DYNLT2B: variants seen among roughly 807,000 people sequenced by gnomAD.
DYNLT2B encodes the protein dynein light chain Tctex-type 2B.
A neutral mutation model predicts 19.5 loss-of-function variants in DYNLT2B; 14 were observed. The ratio of observed to expected loss-of-function variants is 0.72; its 90% CI spans 0.47 to 1.12. The LOEUF is 1.12. Among genes scored for constraint, DYNLT2B ranks in the 50% most tolerant of loss-of-function variants. The pLI, the probability that DYNLT2B is intolerant of heterozygous loss-of-function variation, is 0.00. For synonymous variants in DYNLT2B, 70 were observed against 59.7 expected, an observed-to-expected ratio of 1.17 and a Z score of -0.79; for missense variants, 133 against 174.7, an observed-to-expected ratio of 0.76 and a Z score of 1.35.
At chr3:196,314,836 C>A (rs577823094) in intron 2 of DYNLT2B, among the ~76,000 whole-genome samples, 17 of 148,894 alleles carry the variant, frequency 1.1e-4, no homozygotes, top group South Asian at 1.1e-3. Context: ...CAAAACAAAA[C>A]AAAAAAAAAC....
intron 3 of DYNLT2B, among the ~76,000 whole-genome samples, chr3:196,300,142 A>C (rs1289740287): frequency 3.3e-5 from 5 of 152,172 alleles, no homozygotes; most frequent in Admixed American, 6.6e-5. Flanking sequence ...AGCCTCCAGA[A>C]GGAATGCAGC....
At chr3:196,304,962 G>A (rs1424583177) in intron 3 of DYNLT2B, among the ~76,000 whole-genome samples, 2 of 152,122 alleles carry the variant, frequency 1.3e-5, no homozygotes, top group African/African-American at 2.4e-5. Context: ...GCTTACTGCA[G>A]TCTCAACCTT....
At chr3:196,316,067 A>T (rs1726783227) in intron 2 of DYNLT2B, 31 bp downstream of exon 2, 1 of 1,606,700 alleles carries the variant, frequency 6.2e-7, no homozygotes, top group Non-Finnish European at 8.5e-7. Context: ...TGTGAAGAGA[A>T]TGAGTCATTT....
intron 3 of DYNLT2B, among the ~76,000 whole-genome samples, chr3:196,302,707 C>T (rs958110447): frequency 6.6e-5 from 10 of 152,148 alleles, no homozygotes; most frequent in Middle Eastern, 3.4e-3. Flanking sequence ...GGGCTGCACA[C>T]GATGATTTCC....
At chr3:196,298,814 T>G (rs530246435) in intron 3 of DYNLT2B, among the ~76,000 whole-genome samples, 1 of 152,356 alleles carries the variant, frequency 6.6e-6, no homozygotes. Context: ...CAGGGCTAGA[T>G]GCTGAGAATC....
At chr3:196,313,460 T>C (rs1458241384) in intron 2 of DYNLT2B, among the ~76,000 whole-genome samples, 1 of 152,116 alleles carries the variant, frequency 6.6e-6, no homozygotes, top group East Asian at 1.9e-4. Flanking sequence ...CCTCCAAAAG[T>C]GCTGGAATTA....
rs185927162 is a variant in DYNLT2B at position 196,293,750 on chromosome 3, T to C, written c.381+2256A>G. On this transcript the variant is annotated intron_variant, in intron 4 of 4. Transcript: ENST00000325318. ...ACCTCTGCCTCCCAGGTTCAAGCAATTCTCCTGCCTCAGCCTCCCGAGTAG... is the reference window on the plus strand; with the variant it reads ...ACCTCTGCCTCCCAGGTTCAAGCAACTCTCCTGCCTCAGCCTCCCGAGTAG... 7.8e-3 allele frequency among the ~76,000 whole-genome samples: 1,144 copies of C among 146,208 alleles called. 17 individuals are homozygous for C. The highest frequency in any genetic ancestry group is 0.027 in the African/African-American group (1,093 of 39,922).
At chr3:196,315,752 A>T (rs1376701219) in intron 2 of DYNLT2B, among the ~76,000 whole-genome samples, 1 of 152,018 alleles carries the variant, frequency 6.6e-6, no homozygotes, top group African/African-American at 2.4e-5. Context: ...CATGCCTGTA[A>T]TCCCAACTAC....
chr3:196,304,439 T>C (rs549390628), intron 3 of DYNLT2B, among the ~76,000 whole-genome samples: 3 of 152,162 alleles, frequency 2.0e-5, no homozygotes, highest in Non-Finnish European at 4.4e-5. Flanking sequence ...GGCCAAAAAC[T>C]GTTTTTTTTA....
intron 2 of DYNLT2B, among the ~76,000 whole-genome samples, chr3:196,313,055 C>T (rs1384567978): frequency 6.6e-6 from 1 of 151,962 alleles, no homozygotes; most frequent in Non-Finnish European, 1.5e-5. Context: ...ATGACATGGT[C>T]AAGGAACTAA....
rs1206405780 is a variant in DYNLT2B, at chr3:196,299,803, C to T, written c.318-3734G>A. 2.6e-5 allele frequency among the ~76,000 whole-genome samples: 4 copies of T among 152,006 alleles called. No homozygotes were observed. The South Asian group carries it at 6.2e-4, about 24-fold the overall frequency. On this transcript the variant is annotated intron_variant, in intron 3 of 4. Coordinates refer to ENST00000325318, the MANE Select transcript of DYNLT2B (RefSeq NM_152773.5). The stretch of plus-strand genomic sequence containing the variant: ...AAAATTAGCCGGGTGTGGTGGCGGG[C>T]GCCTGTAGTCCCAGCTACTCGGGAG...
At position 196,318,200 on chromosome 3, in the gene DYNLT2B, G is replaced by T. The variant is rs955109494; in HGVS notation, c.-48C>A. 2.5e-6 allele frequency: 3 copies of T among 1,198,200 alleles called. No homozygotes were observed. In the African/African-American group the frequency reaches 4.8e-5, roughly 19 times the overall value. The allele number at this position is 1,198,200 out of a possible 1,614,324, so 74.2% of individuals were successfully genotyped here. ...GTAGCTCGCGATGAAGGCCTAGCGG[G>T]TTGCGGTCGCGGCCGGCAGCAGGGA... On this transcript the variant is annotated 5_prime_UTR_variant, in exon 1 of 5. Transcript: ENST00000325318.
intron 2 of DYNLT2B, among the ~76,000 whole-genome samples, chr3:196,313,955 G>A (rs545938456): frequency 2.5e-4 from 38 of 152,062 alleles, no homozygotes; most frequent in African/African-American, 3.4e-4. Context: ...AAAATTAGCC[G>A]GGCATGGTGG....
intron 2 of DYNLT2B, among the ~76,000 whole-genome samples, chr3:196,315,644 G>A (rs1056870644): frequency 1.2e-4 from 18 of 151,952 alleles, no homozygotes; most frequent in African/African-American, 3.1e-4. Flanking sequence ...AGGCCGAGGC[G>A]GGTGGATTAC....
chr3:196,303,301 C>G (rs893621493), intron 3 of DYNLT2B, among the ~76,000 whole-genome samples: 87 of 150,432 alleles, frequency 5.8e-4, no homozygotes, highest in South Asian at 2.5e-3. Context: ...TAATAAAACT[C>G]CGGTCTCCCG....
chr3:196,293,129 C>G (rs1411334285), intron 4 of DYNLT2B, among the ~76,000 whole-genome samples: 1 of 151,722 alleles, frequency 6.6e-6, no homozygotes, highest in Non-Finnish European at 1.5e-5. Flanking sequence ...GCTGGGATTA[C>G]AGGCGTGAGC....
rs929303126 is a variant in DYNLT2B, at chr3:196,318,196, G to A, written c.-44C>T. ...GGGCGTAGCTCGCGATGAAGGCCTA[G>A]CGGGTTGCGGTCGCGGCCGGCAGCA... On this transcript the variant is annotated 5_prime_UTR_variant, in exon 1 of 5. Coordinates refer to ENST00000325318, the MANE Select transcript of DYNLT2B (RefSeq NM_152773.5). 4.8e-6 allele frequency: 6 copies of A among 1,237,372 alleles called. No individual in the cohort carries two copies. The highest frequency in any genetic ancestry group is 4.7e-5 in the African/African-American group (3 of 63,586). 76.6% of individuals were successfully genotyped at this position (1,237,372 alleles called of 1,614,324 possible).
chr3:196,315,829 G>C (rs932123075), intron 2 of DYNLT2B, among the ~76,000 whole-genome samples: 8 of 152,146 alleles, frequency 5.3e-5, no homozygotes, highest in African/African-American at 1.9e-4. Flanking sequence ...CCAAGATCAT[G>C]CCATTGCACT....
chr3:196,299,245 C>T (rs770540556), intron 3 of DYNLT2B, among the ~76,000 whole-genome samples: 2 of 152,008 alleles, frequency 1.3e-5, no homozygotes, highest in Middle Eastern at 3.4e-3. Context: ...CCACCACGCC[C>T]GGCTAATTTT....
Sources: gnomAD v4.1 joint callset for allele counts (sites outside exome capture counted in the v4.1 genomes callset) on GRCh38, gnomAD v4.1.1 for gene constraint, MANE v1.5 for transcripts, NCBI Gene and HGNC (gene_info 2026-07-23, HGNC 2026-07-21) for gene names.